Variants in ALG3 observed in about 807,000 individuals in gnomAD.
The protein encoded by ALG3 is dol-P-Man:Man(5)GlcNAc(2)-PP-Dol alpha-1,3-mannosyltransferase.
ALG3 carries 39 observed loss-of-function variants against 50.5 expected under a neutral mutation model. That is an observed-to-expected ratio of 0.77 (90% CI 0.60 to 1.01). The LOEUF (loss-of-function observed/expected upper bound fraction) is 1.01. Ranked by LOEUF, ALG3 falls within the 50% of genes least tolerant of loss-of-function variation. The probability of loss-of-function intolerance (pLI) is 0.00; values close to 1 mark genes in which losing one functional copy is unlikely to be tolerated. For synonymous variants in ALG3, 252 were observed against 237.2 expected, an observed-to-expected ratio of 1.06 and a Z score of -0.58; for missense variants, 520 against 554.8, an observed-to-expected ratio of 0.94 and a Z score of 0.63.
At position 184,242,952 on chromosome 3, in the gene ALG3, C is replaced by T. The variant is rs1323127252; in HGVS notation, c.1015G>A (p.Val339Ile). ...AAGTTGGAGGTGAAGAGGGTAGAAA[C>T]GATCTGTATGCGGTGGTCAAGGCCA... ...PPQPLTPNQIVSTLFTSNFIG... is the reference protein window; with the variant it reads ...PPQPLTPNQIISTLFTSNFIG... The change falls in exon 8 of 9, where the codon GTT becomes ATT. Residue 339 changes from valine to isoleucine, a missense_variant. Val to Ile is a conservative substitution (Grantham distance 29, BLOSUM62 3). Around this residue, in one of 3 missense-constraint regions of ALG3, gnomAD observed 224 missense variants for 272.8 expected, o/e 0.82. Transcript: ENST00000397676. The T allele has an allele frequency of 8.1e-6, 13 of 1,613,158 alleles. No individual in the cohort carries two copies. Among genetic ancestry groups the T allele is most frequent in the East Asian group, 4.5e-5 (2 of 44,898 alleles).
chr3:184,244,184 C>T (rs2108440999), intron 5 of ALG3, 188 bp from the exon 6 acceptor site: 1 of 614,982 alleles, frequency 1.6e-6, no homozygotes, highest in Non-Finnish European at 2.9e-6. Flanking sequence ...CAAAGAAGCT[C>T]AGGAGGCAGG....
chr3:184,249,261 G>C, upstream of ALG3: 1 of 1,612,074 alleles, frequency 6.2e-7, no homozygotes, highest in Non-Finnish European at 8.5e-7. Context: ...ATTCTCCTTC[G>C]CCTGCGCTGG....
chr3:184,244,081 CG>C, intron 5 of ALG3, 85 bp from the exon 6 acceptor site: 2 of 1,376,862 alleles, frequency 1.5e-6, no homozygotes, highest in Non-Finnish European at 2.0e-6. Flanking sequence ...GGGTGTGGGA[CG>C]GGGATGTAGG....
upstream of ALG3, chr3:184,249,367 G>T: frequency 2.2e-6 from 3 of 1,362,308 alleles, no homozygotes; most frequent in South Asian, 2.6e-5. Context: ...TGAGAAAAAT[G>T]AACCTTTCAC....
intron 1 of ALG3, among the ~76,000 whole-genome samples, chr3:184,248,052 C>A (rs1458668760): frequency 6.9e-6 from 1 of 145,158 alleles, no homozygotes; most frequent in African/African-American, 2.5e-5. Flanking sequence ...GACGGGGTTT[C>A]ACCGTGTTAG....
Position 184,242,925 on chromosome 3 carries a change from T to C in ALG3, c.1042A>G (p.Ile348Val). 1 of 1,613,542 alleles carries C rather than the reference T, an allele frequency of 6.2e-7. No individual in the cohort carries two copies. ...IVSTLFTSNFIGICFSRSLHY... is the reference protein window; with the variant it reads ...IVSTLFTSNFVGICFSRSLHY... ...AGGGAGCGGCTGAAGCAGATGCCAA[T>C]GAAGTTGGAGGTGAAGAGGGTAGAA... Residue 348 changes from isoleucine to valine, a missense_variant, in exon 8 of 9, where the codon ATT becomes GTT. Physicochemically the swap from Ile to Val is conservative, Grantham distance 29 (BLOSUM62 3). Coordinates refer to ENST00000397676, the MANE Select transcript of ALG3 (RefSeq NM_005787.6).
chr3:184,244,564 T>C (rs747081381), intron 5 of ALG3, 37 bp downstream of exon 5: 1 of 1,593,244 alleles, frequency 6.3e-7, no homozygotes, highest in Non-Finnish European at 8.5e-7. Flanking sequence ...AAGTGGCTTC[T>C]CCTTGATTAG....
rs1719134556 is a variant in ALG3, at chr3:184,246,138, C to T, written c.197-326G>A. Among the ~76,000 whole-genome samples the T allele has an allele frequency of 2.0e-5, 3 of 152,176 alleles. No individual in the cohort carries two copies. The South Asian group carries it at 6.2e-4, about 32-fold the overall frequency. ...CCCTCCTCTCTCATTTGCAACCCTT[C>T]GTCAACAAGTTCTGCCTGTTCCTCA... is the stretch of plus-strand genomic sequence containing the variant. On this transcript the variant is annotated intron_variant, in intron 1 of 8. Coordinates refer to ENST00000397676, the MANE Select transcript of ALG3 (RefSeq NM_005787.6).
intron 4 of ALG3, 90 bp from the exon 5 acceptor site, chr3:184,244,811 C>A: frequency 6.7e-7 from 1 of 1,502,910 alleles, no homozygotes; most frequent in Non-Finnish European, 8.9e-7. Context: ...ATCACCACAG[C>A]AACCTCCCCC....
At position 184,245,800 on chromosome 3, in the gene ALG3, T is replaced by A. The variant is rs747290720; in HGVS notation, c.209A>T (p.Asp70Val). ...VIHRVAYTEI[D>V]WKAYMAEVEG... Reference sequence around the variant, plus strand: ...TACCTCGGCCATGTAGGCCTTCCAGTCAATCTCTGTGTCTGGAAGAAGACA... The same window carrying A: ...TACCTCGGCCATGTAGGCCTTCCAGACAATCTCTGTGTCTGGAAGAAGACA... Residue 70 changes from aspartate to valine, a missense_variant, in exon 2 of 9, where the codon GAC becomes GTC. By Grantham distance (152) the Asp-to-Val change is radical. Around this residue, in one of 3 missense-constraint regions of ALG3, gnomAD observed 290 missense variants for 265.9 expected, o/e 1.09. Transcript: ENST00000397676. 1 of 1,613,014 alleles carries A rather than the reference T, an allele frequency of 6.2e-7. No individual in the cohort carries two copies. Among genetic ancestry groups the A allele is most frequent in the Non-Finnish European group, 8.5e-7 (1 of 1,179,286 alleles).
chr3:184,247,468 T>G (rs889939070), intron 1 of ALG3, among the ~76,000 whole-genome samples: 6 of 151,612 alleles, frequency 4.0e-5, no homozygotes, highest in African/African-American at 1.2e-4. Flanking sequence ...CAGCTAATTT[T>G]TGTATTTTTA....
chr3:184,248,802 C>T lies in ALG3; in HGVS notation c.139G>A (p.Ala47Thr), dbSNP rs1045596207. 3 of 1,604,540 alleles carry T rather than the reference C, an allele frequency of 1.9e-6. No individual in the cohort carries two copies. Among genetic ancestry groups the T allele is most frequent in the Admixed American group, 3.4e-5 (2 of 59,598 alleles). The change falls in exon 1 of 9, where the codon GCC (alanine) becomes ACC (threonine). Residue 47 changes from alanine to threonine, a missense_variant. This residue lies in a region of ALG3 where 290 missense variants were observed against 265.9 expected (regional missense o/e 1.09). Coordinates refer to ENST00000397676, the MANE Select transcript of ALG3 (RefSeq NM_005787.6). ...CCCACCTCCGCCAGGCAGAGGCAGGCGGCCACCAGCAGCGTGTAGCGCGGC... is the reference window on the plus strand; with the variant it reads ...CCCACCTCCGCCAGGCAGAGGCAGGTGGCCACCAGCAGCGTGTAGCGCGGC... ...REPRYTLLVA[A>T]CLCLAEVGIT...
intron 1 of ALG3, among the ~76,000 whole-genome samples, chr3:184,246,988 A>C (rs1719187760): frequency 6.6e-6 from 1 of 151,390 alleles, no homozygotes; most frequent in African/African-American, 2.4e-5. Flanking sequence ...CACTGCAACC[A>C]CCATCTCCCC....
At chr3:184,244,854 C>A in intron 4 of ALG3, 133 bp from the exon 5 acceptor site, 1 of 1,279,986 alleles carries the variant, frequency 7.8e-7, no homozygotes, top group Non-Finnish European at 1.1e-6. Context: ...CAAGATGGGA[C>A]CTACACTCAC....
Position 184,244,673 on chromosome 3 carries a change from T to C in ALG3, c.654A>G (p.Leu218=). Reference sequence around the variant, plus strand: ...CAAACTGTGTGAGGAGAAGAAACAGTAACCCAGGGGCGAAGAGCAGCACAT... The same window carrying C: ...CAAACTGTGTGAGGAGAAGAAACAGCAACCCAGGGGCGAAGAGCAGCACAT... ...KMNVLLFAPG[L]LFLLLTQFGF... Residue 218 remains leucine (L), a synonymous_variant, in exon 5 of 9, where the codon TTA becomes TTG. Transcript: ENST00000397676. The C allele has an allele frequency of 6.2e-7, 1 of 1,610,530 alleles. No individual in the cohort carries two copies. Among genetic ancestry groups the C allele is most frequent in the Non-Finnish European group, 8.5e-7 (1 of 1,178,578 alleles).
chr3:184,249,139 A>C, upstream of ALG3: 8 of 1,521,674 alleles, frequency 5.3e-6, no homozygotes, highest in Non-Finnish European at 7.2e-6. Flanking sequence ...AGCAGGGACA[A>C]TGTCTTACTC....
rs983430026 is a variant in ALG3 at position 184,248,912 on chromosome 3, C to G, written c.29G>C (p.Arg10Pro). 1.9e-6 allele frequency: 3 copies of G among 1,593,142 alleles called. No homozygotes were observed. The highest frequency in any genetic ancestry group is 1.7e-5 in the Admixed American group (1 of 57,702). MAAGLRKRG[R>P]SGSAAQAEGL... is the part of the protein sequence containing the mutation. ...CTCTGCCTGGGCCGCGGAACCGGAC[C>G]GGCCGCGTTTCCGCAGCCCAGCCGC... Residue 10 changes from arginine to proline, a missense_variant, in exon 1 of 9, where the codon CGG (arginine) becomes CCG (proline). Coordinates refer to ENST00000397676, the MANE Select transcript of ALG3 (RefSeq NM_005787.6).
At position 184,242,796 on chromosome 3, in the gene ALG3, G is replaced by C; in HGVS notation, c.1154+17C>G. 1 of 1,613,198 alleles carries C rather than the reference G, an allele frequency of 6.2e-7. No homozygotes were observed. Among genetic ancestry groups the C allele is most frequent in the Non-Finnish European group, 8.5e-7 (1 of 1,179,312 alleles). ...TCCCTATCCCTTCCCACTCCCCCAG[G>C]TTGTCCCAGCTGGTACCTGAGCAGG... On this transcript the variant is annotated intron_variant, in intron 8 of 8. Transcript: ENST00000397676.
At position 184,245,712 on chromosome 3, in the gene ALG3, C is replaced by G; in HGVS notation, c.296+1G>C. ...TCCCTGAACTTCCTGTCCCCACTCACACAAGTGGTCCGGTGTCACCCTGCA... is the reference window on the plus strand; with the variant it reads ...TCCCTGAACTTCCTGTCCCCACTCAGACAAGTGGTCCGGTGTCACCCTGCA... On this transcript the variant is annotated splice_donor_variant, in intron 2 of 8. Coordinates refer to ENST00000397676, the MANE Select transcript of ALG3 (RefSeq NM_005787.6). LOFTEE classifies it high-confidence loss of function. 6.2e-7 allele frequency: 1 copy of G among 1,612,398 alleles called. No homozygotes were observed.
Sources: gnomAD v4.1 joint callset for allele counts (sites outside exome capture counted in the v4.1 genomes callset) on GRCh38, gnomAD v4.1.1 for gene constraint, gnomAD v4.1.1 regional missense constraint, MANE v1.5 for transcripts, NCBI Gene and HGNC (gene_info 2026-07-23, HGNC 2026-07-21) for gene names.